Variants in C3orf33 observed in about 807,000 individuals in gnomAD.
The protein encoded by C3orf33 is mitochondrial inner membrane subdomain organizer 1.
Under a neutral mutation model 28.7 loss-of-function variants are expected in C3orf33, and 23 were observed. The ratio of observed to expected loss-of-function variants is 0.80; its 90% CI spans 0.58 to 1.13. The LOEUF (loss-of-function observed/expected upper bound fraction) is 1.13, where lower values mean the gene tolerates loss of function less well. C3orf33 is among the 50% of genes most tolerant of loss of function. The pLI is 0.00. For missense variants in C3orf33, 327 were observed against 353.4 expected, an observed-to-expected ratio of 0.93 and a Z score of 0.60; for synonymous variants, 119 against 120.5, an observed-to-expected ratio of 0.99 and a Z score of 0.08.
At chr3:155,797,195 C>A (rs564996157) in intron 2 of C3orf33, among the ~76,000 whole-genome samples, 20 of 152,130 alleles carry the variant, frequency 1.3e-4, no homozygotes, top group African/African-American at 4.6e-4. Context: ...AAAGAAAAGA[C>A]AAAAGCCATA....
At chr3:155,786,295 AAAC>A (rs1411315534) in intron 2 of C3orf33, among the ~76,000 whole-genome samples, 24 of 152,062 alleles carry the variant, frequency 1.6e-4, no homozygotes, top group African/African-American at 5.8e-4. Context: ...GGAAGGAGAA[AAAC>A]AATAGAGAAA....
chr3:155,767,910 C>T (rs952714274), intron 3 of C3orf33, among the ~76,000 whole-genome samples: 1 of 151,886 alleles, frequency 6.6e-6, no homozygotes. Context: ...AACAGGGTCT[C>T]ACTCTGTCAC....
At chr3:155,773,045 C>A (rs1480079171) in intron 3 of C3orf33, among the ~76,000 whole-genome samples, 3 of 152,118 alleles carry the variant, frequency 2.0e-5, no homozygotes, top group Admixed American at 6.6e-5. Context: ...TAAGAGTGAG[C>A]TCCATTTTTA....
chr3:155,793,427 T>G (rs987969942), intron 2 of C3orf33, among the ~76,000 whole-genome samples: 1 of 151,042 alleles, frequency 6.6e-6, no homozygotes, highest in Non-Finnish European at 1.5e-5. Flanking sequence ...AGAAATCACC[T>G]GAAGGTACAA....
At chr3:155,774,942 C>G (rs1208808948) in intron 3 of C3orf33, among the ~76,000 whole-genome samples, 1 of 152,126 alleles carries the variant, frequency 6.6e-6, no homozygotes, top group Non-Finnish European at 1.5e-5. Context: ...CCTTCTCTGA[C>G]TACTCTATAT....
At chr3:155,792,794 G>GA (rs974596707) in intron 2 of C3orf33, among the ~76,000 whole-genome samples, 1 of 151,388 alleles carries the variant, frequency 6.6e-6, no homozygotes, top group Non-Finnish European at 1.5e-5. Context: ...AGTCAGAGGA[G>GA]AAAAAAATAA....
chr3:155,800,253 C>T (rs966024667), intron 2 of C3orf33, among the ~76,000 whole-genome samples: 5 of 151,810 alleles, frequency 3.3e-5, no homozygotes, highest in East Asian at 3.9e-4. Context: ...ACAAATTGGA[C>T]TTCATAAAAA....
Position 155,767,527 on chromosome 3 carries a change from G to C in C3orf33, c.465C>G (p.Cys155Trp). 6.4e-7 allele frequency: 1 copy of C among 1,572,790 alleles called. No individual in the cohort carries two copies. The highest frequency in any genetic ancestry group is 8.7e-7 in the Non-Finnish European group (1 of 1,154,636). Residue 155 changes from cysteine to tryptophan, a missense_variant, in exon 4 of 5, where the codon TGC becomes TGG. By Grantham distance (215) the Cys-to-Trp change is radical (BLOSUM62 -2). Coordinates refer to ENST00000340171, the MANE Select transcript of C3orf33 (RefSeq NM_001308229.2). ...TGCTTACCTTACTCACCAGAAGATAGCAAAAGAGTGCTGAATTCTCCTTTC... is the reference window on the plus strand; with the variant it reads ...TGCTTACCTTACTCACCAGAAGATACCAAAAGAGTGCTGAATTCTCCTTTC... ...LLGKENSALF[C>W]YLLVSKGGYF...
Position 155,782,166 on chromosome 3 carries a change from T to TAAAA in C3orf33, c.175-6322_175-6319dup, listed in dbSNP as rs58890324. ...CTGGGCGACAAAGCAAGACTCCGTCTAAAAAAAAAAAAAAAAGATAAATTA... is the reference window on the plus strand; with the variant it reads ...CTGGGCGACAAAGCAAGACTCCGTCTAAAAAAAAAAAAAAAAAAAAGATAAATTA... On this transcript the variant is annotated intron_variant, in intron 2 of 4. Transcript: ENST00000340171. Among the ~76,000 whole-genome samples, 162 of 96,250 alleles carry TAAAA rather than the reference T, an allele frequency of 1.7e-3. 2 individuals carry two copies. Among genetic ancestry groups the TAAAA allele is most frequent in the African/African-American group, 5.9e-3 (155 of 26,184 alleles). 63.1% of individuals were successfully genotyped at this position (96,250 alleles called of 152,430 possible). A position where few individuals can be genotyped will look rare whatever the true frequency, so the allele number is the denominator to read the frequency against.
rs1750292597 is a variant in C3orf33, at chr3:155,763,322, A to G, written c.*195T>C. 1.7e-5 allele frequency: 7 copies of G among 402,522 alleles called. No individual in the cohort carries two copies. The highest frequency in any genetic ancestry group is 2.6e-5 in the Non-Finnish European group (6 of 234,788). 24.9% of individuals were successfully genotyped at this position (402,522 alleles called of 1,614,324 possible). On this transcript the variant is annotated 3_prime_UTR_variant, in exon 5 of 5. Coordinates refer to ENST00000340171, the MANE Select transcript of C3orf33 (RefSeq NM_001308229.2). ...AGTGTTTCATCCTTCCTAAAATCATATTACATTAATTATAATTTGTTTAAA... is the reference window on the plus strand; with the variant it reads ...AGTGTTTCATCCTTCCTAAAATCATGTTACATTAATTATAATTTGTTTAAA...
chr3:155,804,609 T>G (rs1312315945), intron 1 of C3orf33, among the ~76,000 whole-genome samples: 2 of 152,220 alleles, frequency 1.3e-5, no homozygotes, highest in African/African-American at 4.8e-5. Flanking sequence ...ACTTGGCTTC[T>G]AGAACACCTG....
chr3:155,802,665 G>A, intron 1 of C3orf33, 74 bp from the exon 2 acceptor site: 2 of 1,139,580 alleles, frequency 1.8e-6, no homozygotes, highest in Admixed American at 2.4e-5. Flanking sequence ...TTAGAAGGTA[G>A]AAAAAAAGAA....
chr3:155,778,412 T>A (rs2109260904), intron 2 of C3orf33, among the ~76,000 whole-genome samples: 1 of 152,310 alleles, frequency 6.6e-6, no homozygotes, highest in Non-Finnish European at 1.5e-5. Context: ...ATGAAGTATT[T>A]ATGGATGATG....
chr3:155,763,614 C>A lies in C3orf33; in HGVS notation c.788G>T (p.Arg263Met). Residue 263 changes from arginine to methionine, a missense_variant, in exon 5 of 5, where the codon AGG (arginine) becomes ATG (methionine). By Grantham distance (91) the Arg-to-Met change is moderately conservative (BLOSUM62 -1). Transcript: ENST00000340171. Reference protein sequence around the residue: ...KKESYYEKLKRTYEIWKDNMN... With the variant: ...KKESYYEKLKMTYEIWKDNMN... Reference sequence around the variant, plus strand: ...GTTGTCTTTCCATATTTCATAAGTCCTTTTAAGTTTTTCATAATAACTTTC... The same window carrying A: ...GTTGTCTTTCCATATTTCATAAGTCATTTTAAGTTTTTCATAATAACTTTC... The A allele has an allele frequency of 6.3e-7, 1 of 1,592,884 alleles. No individual in the cohort carries two copies. The highest frequency in any genetic ancestry group is 8.5e-7 in the Non-Finnish European group (1 of 1,174,438).
Position 155,802,541 on chromosome 3 carries a change from G to T in C3orf33, c.165C>A (p.Ser55Arg). 6.2e-7 allele frequency: 1 copy of T among 1,601,744 alleles called. No individual in the cohort carries two copies. Among genetic ancestry groups the T allele is most frequent in the Non-Finnish European group, 8.5e-7 (1 of 1,176,218 alleles). ...TCATTTTTTAACTTACCAGTCGAAT[G>T]CTTCTCAAAAGTAACATTATTCCAG... ...AIAGIMLLLR[S>R]IRLTSKFTSS... Residue 55 changes from serine to arginine, a missense_variant, in exon 2 of 5, where the codon AGC becomes AGA. Physicochemically the swap from Ser to Arg is moderately radical, Grantham distance 110. Transcript: ENST00000340171.
intron 2 of C3orf33, among the ~76,000 whole-genome samples, chr3:155,788,336 T>C (rs1751203196): frequency 6.6e-6 from 1 of 151,964 alleles, no homozygotes; most frequent in Non-Finnish European, 1.5e-5. Flanking sequence ...ATGATAACAC[T>C]TAAGAAACTA....
chr3:155,768,888 A>G (rs1750491384), intron 3 of C3orf33, among the ~76,000 whole-genome samples: 1 of 152,178 alleles, frequency 6.6e-6, no homozygotes, highest in Non-Finnish European at 1.5e-5. Flanking sequence ...ATCTCAAAAT[A>G]AAGAAGGTCA....
At chr3:155,772,576 C>CTA (rs1750622456) in intron 3 of C3orf33, among the ~76,000 whole-genome samples, 2 of 141,866 alleles carry the variant, frequency 1.4e-5, no homozygotes, top group Non-Finnish European at 3.1e-5. Context: ...GTGTCAAAAA[C>CTA]TTTTTTTTTT....
At chr3:155,805,823 C>T (rs1008567519) in intron 1 of C3orf33, 3 of 499,622 alleles carry the variant, frequency 6.0e-6, no homozygotes, top group Non-Finnish European at 1.1e-5. Context: ...TGGGCCCTCC[C>T]CAAATGCTCT....
Sources: gnomAD v4.1 joint callset for allele counts (sites outside exome capture counted in the v4.1 genomes callset) on GRCh38, gnomAD v4.1.1 for gene constraint, MANE v1.5 for transcripts, NCBI Gene and HGNC (gene_info 2026-07-23, HGNC 2026-07-21) for gene names.